Variants in TMED3 observed in about 807,000 individuals in gnomAD.
TMED3 encodes transmembrane emp24 domain-containing protein 3.
TMED3 carries 9 observed loss-of-function variants against 15.0 expected under a neutral mutation model. That is an observed-to-expected ratio of 0.60 (90% CI 0.36 to 1.04). The LOEUF is 1.04. TMED3 is among the 50% of genes least tolerant of loss of function. The pLI, the probability that TMED3 is intolerant of heterozygous loss-of-function variation, is 0.01. For missense variants in TMED3, 267 were observed against 278.9 expected, an observed-to-expected ratio of 0.96 and a Z score of 0.30; for synonymous variants, 117 against 121.4, an observed-to-expected ratio of 0.96 and a Z score of 0.24.
At chr15:79,369,024 G>A (rs1893287836) in intron 2 of TMED3, among the ~76,000 whole-genome samples, 1 of 151,652 alleles carries the variant, frequency 6.6e-6, no homozygotes, top group Admixed American at 6.6e-5. Flanking sequence ...GAACCTCGGA[G>A]GTCAGGTTGC....
intron 2 of TMED3, among the ~76,000 whole-genome samples, chr15:79,357,039 C>T (rs1221623310): frequency 9.6e-6 from 1 of 104,438 alleles, no homozygotes; most frequent in East Asian, 2.2e-4. Context: ...AGAATATACA[C>T]ATAAACACAG....
chr15:79,330,982 G>A (rs1399987429), intron 2 of TMED3, among the ~76,000 whole-genome samples: 1 of 152,196 alleles, frequency 6.6e-6, no homozygotes, highest in African/African-American at 2.4e-5. Context: ...AGTTCTGCAG[G>A]CTGTACAGGA....
intron 2 of TMED3, among the ~76,000 whole-genome samples, chr15:79,366,737 G>T (rs1333087550): frequency 1.3e-5 from 2 of 152,216 alleles, no homozygotes; most frequent in Non-Finnish European, 1.5e-5. Context: ...CTACTTGAAT[G>T]TTAGGCACAG....
intron 2 of TMED3, among the ~76,000 whole-genome samples, chr15:79,348,663 T>C (rs1307157699): frequency 1.3e-5 from 2 of 152,232 alleles, no homozygotes; most frequent in Non-Finnish European, 2.9e-5. Flanking sequence ...AAAGTATACA[T>C]GTACCCAGTA....
chr15:79,361,575 G>T (rs1018520951), intron 2 of TMED3, among the ~76,000 whole-genome samples: 6 of 152,114 alleles, frequency 3.9e-5, no homozygotes, highest in Non-Finnish European at 7.3e-5. Context: ...TGGTGAGAAG[G>T]GGATGAGGAA....
At chr15:79,408,217 C>G (rs1893926915) in intron 2 of TMED3, among the ~76,000 whole-genome samples, 1 of 152,204 alleles carries the variant, frequency 6.6e-6, no homozygotes, top group Non-Finnish European at 1.5e-5. Context: ...CATCACTCTA[C>G]AGAGATCTTC....
exon 3 of TMED3, chr15:79,411,868 A>T (rs367662604): frequency 4.8e-6 from 1 of 208,706 alleles, no homozygotes; most frequent in African/African-American, 2.2e-5. Flanking sequence ...ACTTGCTCCC[A>T]TGGCAGACTT....
At chr15:79,326,311 A>T (rs920101372), downstream of TMED3, among the ~76,000 whole-genome samples, 1 of 152,212 alleles carries the variant, frequency 6.6e-6, no homozygotes, top group Non-Finnish European at 1.5e-5. Flanking sequence ...AATAGCCCGG[A>T]GGGGTGTCCA....
chr15:79,410,688 A>ATGTG (rs200442684), intron 2 of TMED3, among the ~76,000 whole-genome samples: 1 of 136,694 alleles, frequency 7.3e-6, no homozygotes, highest in African/African-American at 2.5e-5. Context: ...ATATGTGTAT[A>ATGTG]TGTGTGTGTG....
At chr15:79,318,035 C>G (rs889281781) in intron 2 of TMED3, among the ~76,000 whole-genome samples, 4 of 152,204 alleles carry the variant, frequency 2.6e-5, no homozygotes, top group Admixed American at 2.0e-4. Flanking sequence ...CTCCACGCAT[C>G]CCCATCACCA....
intron 2 of TMED3, among the ~76,000 whole-genome samples, chr15:79,382,108 T>C (rs904772428): frequency 1.3e-5 from 2 of 152,186 alleles, no homozygotes; most frequent in African/African-American, 4.8e-5. Flanking sequence ...CTTCTGGGTT[T>C]TGTGCTCTGC....
chr15:79,325,426 A>T (rs536948840), downstream of TMED3, among the ~76,000 whole-genome samples: 3 of 147,800 alleles, frequency 2.0e-5, no homozygotes, highest in African/African-American at 7.3e-5. Flanking sequence ...TCTCTACAGG[A>T]TGACTTTAGT....
Position 79,411,372 on chromosome 15 carries a change from A to G in TMED3, c.418-28A>G, listed in dbSNP as rs150476995. On this transcript the variant is annotated intron_variant, in intron 2 of 2. Coordinates refer to the TMED3 transcript ENST00000424155. ...TCATGGTTCCACATTTCATCCTTTA[A>G]ATCTTTTTATCTTTTTGAACAATGA... is the stretch of plus-strand genomic sequence containing the variant. The G allele has an allele frequency of 2.2e-4, 157 of 701,952 alleles. 4 individuals carry two copies. The East Asian group carries it at 3.0e-3, about 14-fold the overall frequency. The allele number at this position is 701,952 out of a possible 1,614,324, so 43.5% of individuals were successfully genotyped here.
At chr15:79,341,905 A>G (rs2058853119) in intron 2 of TMED3, among the ~76,000 whole-genome samples, 1 of 152,214 alleles carries the variant, frequency 6.6e-6, no homozygotes, top group Non-Finnish European at 1.5e-5. Flanking sequence ...AACATCCTGC[A>G]AGGCACAGGA....
intron 2 of TMED3, among the ~76,000 whole-genome samples, chr15:79,408,183 G>C (rs1320285062): frequency 6.6e-6 from 1 of 152,222 alleles, no homozygotes; most frequent in East Asian, 1.9e-4. Context: ...AAGAATGTTT[G>C]TGTGTGAAAT....
Position 79,348,976 on chromosome 15 carries a change from C to T in TMED3, c.417+34971C>T, listed in dbSNP as rs891035313. On this transcript the variant is annotated intron_variant, in intron 2 of 2. Coordinates refer to the TMED3 transcript ENST00000424155. ...CCTCCCCCACCCCCAGTAGATGGCA[C>T]TACAGGTGCACACCACCATGCCCAC... Among the ~76,000 whole-genome samples, 7 of 152,124 alleles carry T rather than the reference C, an allele frequency of 4.6e-5. No homozygotes were observed. The South Asian group carries it at 8.3e-4, about 18-fold the overall frequency.
chr15:79,319,437 G>A (rs2058754778), intron 2 of TMED3, among the ~76,000 whole-genome samples: 1 of 152,240 alleles, frequency 6.6e-6, no homozygotes, highest in African/African-American at 2.4e-5. Flanking sequence ...ACCATTGTTT[G>A]GCAGTGGTTT....
chr15:79,403,204 C>T (rs1387099182), intron 2 of TMED3, among the ~76,000 whole-genome samples: 1 of 108,584 alleles, frequency 9.2e-6, no homozygotes, highest in Non-Finnish European at 1.7e-5. Context: ...GCCTGGGTGA[C>T]AGCGGGACTC....
rs1402808445 is a variant in TMED3, at chr15:79,352,922, T to A, written c.417+38917T>A. Among the ~76,000 whole-genome samples, 8 of 121,678 alleles carry A rather than the reference T, an allele frequency of 6.6e-5. No individual in the cohort carries two copies. The East Asian group carries it at 6.8e-4, about 10-fold the overall frequency. 79.8% of individuals were successfully genotyped at this position (121,678 alleles called of 152,430 possible). A position where few individuals can be genotyped will look rare whatever the true frequency, so the allele number is the denominator to read the frequency against. ...AAATATACATATAATATATATAAAA[T>A]ATATATAATATATATACATATATAA... On this transcript the variant is annotated intron_variant, in intron 2 of 2. Transcript: ENST00000424155.
Sources: gnomAD v4.1 joint callset for allele counts (sites outside exome capture counted in the v4.1 genomes callset) on GRCh38, gnomAD v4.1.1 for gene constraint, MANE v1.5 for transcripts, NCBI Gene and HGNC (gene_info 2026-07-23, HGNC 2026-07-21) for gene names.